GALK2: variants seen among roughly 807,000 people sequenced by gnomAD.
GALK2 encodes the protein N-acetylgalactosamine kinase.
A neutral mutation model predicts 52.4 loss-of-function variants in GALK2; 36 were observed. The observed-to-expected ratio is 0.69, with a 90% CI of 0.53 to 0.91. The LOEUF is 0.91. Among genes scored for constraint, GALK2 ranks in the 40% least tolerant of loss-of-function variants. The pLI, the probability that GALK2 is intolerant of heterozygous loss-of-function variation, is 0.00. For synonymous variants in GALK2, 176 were observed against 199.1 expected, an observed-to-expected ratio of 0.88 and a Z score of 0.98; for missense variants, 579 against 559.1, an observed-to-expected ratio of 1.04 and a Z score of -0.36.
At chr15:49,290,681 A>G (rs1364710397) in intron 7 of GALK2, among the ~76,000 whole-genome samples, 1 of 152,216 alleles carries the variant, frequency 6.6e-6, no homozygotes, top group African/African-American at 2.4e-5. Flanking sequence ...TCTTGGGGGC[A>G]GTTCTGTGAT....
chr15:49,285,137 CTCTT>C (rs1375246258), intron 7 of GALK2, among the ~76,000 whole-genome samples: 3 of 152,256 alleles, frequency 2.0e-5, no homozygotes, highest in South Asian at 2.1e-4. Context: ...GTTGAATTTG[CTCTT>C]TCTTAGGCCA....
chr15:49,224,104 A>C (rs1020803235), intron 3 of GALK2, among the ~76,000 whole-genome samples: 3 of 151,906 alleles, frequency 2.0e-5, no homozygotes, highest in Non-Finnish European at 4.4e-5. Flanking sequence ...GTGAGATGGT[A>C]TCTCATTGTG....
At chr15:49,202,921 G>C (rs1046210299) in intron 2 of GALK2, among the ~76,000 whole-genome samples, 15 of 152,062 alleles carry the variant, frequency 9.9e-5, no homozygotes, top group Non-Finnish European at 1.8e-4. Context: ...ATATCTCCTG[G>C]TGGTTTTGAT....
intron 8 of GALK2, among the ~76,000 whole-genome samples, chr15:49,293,148 C>A (rs2034111457): frequency 2.6e-5 from 4 of 152,044 alleles, no homozygotes; most frequent in Admixed American, 2.6e-4. Flanking sequence ...ATCCAGTTGC[C>A]CTTAGCGGAT....
intron 3 of GALK2, among the ~76,000 whole-genome samples, chr15:49,231,533 C>T (rs1178897903): frequency 6.6e-6 from 1 of 152,226 alleles, no homozygotes; most frequent in African/African-American, 2.4e-5. Context: ...AGAGTCTTAA[C>T]TCATTCCAGC....
intron 6 of GALK2, among the ~76,000 whole-genome samples, chr15:49,282,345 C>T (rs2032821304): frequency 6.6e-6 from 1 of 152,082 alleles, no homozygotes; most frequent in Non-Finnish European, 1.5e-5. Flanking sequence ...GCTTTTTCCC[C>T]TCTTCTATTT....
intron 1 of GALK2, among the ~76,000 whole-genome samples, chr15:49,171,490 TA>T (rs2085092675): frequency 6.6e-6 from 1 of 152,206 alleles, no homozygotes; most frequent in Non-Finnish European, 1.5e-5. Flanking sequence ...CAGTTGATGA[TA>T]TTATACTTTA....
intron 9 of GALK2, chr15:49,327,052 G>C (rs1408586800): frequency 6.6e-6 from 1 of 151,966 alleles, no homozygotes. Flanking sequence ...GTTAACTTTC[G>C]TGTCAGGATA....
intron 5 of GALK2, among the ~76,000 whole-genome samples, chr15:49,272,277 A>C (rs2030795384): frequency 6.6e-6 from 1 of 152,234 alleles, no homozygotes; most frequent in Non-Finnish European, 1.5e-5. Context: ...AAGATGTACA[A>C]AATACCCTGC....
At chr15:49,266,770 G>C (rs1055329279) in intron 5 of GALK2, among the ~76,000 whole-genome samples, 1 of 152,198 alleles carries the variant, frequency 6.6e-6, no homozygotes, top group Non-Finnish European at 1.5e-5. Context: ...TTGGGTGTGT[G>C]TGTGAATCTG....
chr15:49,156,034 A>G (rs2084435480), intron 1 of GALK2: 1 of 1,613,778 alleles, frequency 6.2e-7, no homozygotes, highest in Admixed American at 1.7e-5. Context: ...TTCTGCTATC[A>G]TTGTACGTGT....
At chr15:49,319,518 GA>G (rs1480534495) in intron 8 of GALK2, 85 bp from the exon 9 acceptor site, 2 of 1,073,168 alleles carry the variant, frequency 1.9e-6, no homozygotes, top group Non-Finnish European at 2.7e-6. Context: ...AAACAGAAAT[GA>G]AAGTCTTTAA....
chr15:49,272,800 C>G (rs1483998490), intron 5 of GALK2, among the ~76,000 whole-genome samples: 1 of 152,096 alleles, frequency 6.6e-6, no homozygotes, highest in Non-Finnish European at 1.5e-5. Flanking sequence ...TCCCATGGGC[C>G]TAGGATCCCA....
rs760639050 is a variant in GALK2, at chr15:49,331,739, TAG to T, written c.*3588_*3589del. On this transcript the variant is annotated 3_prime_UTR_variant, in exon 10 of 10. Coordinates refer to ENST00000560031, the MANE Select transcript of GALK2 (RefSeq NM_002044.4). ...ATTGTCCAGTCTATATAAAAGAAGC[TAG>T]AGAGAGAATTCTCAATTATTTTCAG... 4.8e-5 allele frequency: 58 copies of T among 1,219,194 alleles called. No homozygotes were observed. In the African/African-American group the frequency reaches 7.6e-4, roughly 16 times the overall value. 75.5% of individuals were successfully genotyped at this position (1,219,194 alleles called of 1,614,324 possible).
intron 9 of GALK2, among the ~76,000 whole-genome samples, chr15:49,322,173 A>G (rs1383285329): frequency 6.6e-6 from 1 of 152,156 alleles, no homozygotes; most frequent in African/African-American, 2.4e-5. Context: ...GTTTTTGGAA[A>G]ATCCTTTCTT....
downstream of GALK2, among the ~76,000 whole-genome samples, chr15:49,332,347 C>T (rs1406268989): frequency 6.6e-6 from 1 of 152,094 alleles, no homozygotes; most frequent in Non-Finnish European, 1.5e-5. Context: ...AAGGTAGAGA[C>T]ACAGGAAAGA....
intron 3 of GALK2, among the ~76,000 whole-genome samples, chr15:49,359,038 T>A (rs1217335898): frequency 1.3e-5 from 2 of 152,090 alleles, no homozygotes; most frequent in Non-Finnish European, 2.9e-5. Flanking sequence ...TAGCCATATG[T>A]ATAAAGCTGA....
chr15:49,366,394 A>G (rs773129891), intron 3 of GALK2: 3 of 808,018 alleles, frequency 3.7e-6, no homozygotes, highest in Non-Finnish European at 4.5e-6. Context: ...TGTTTTCAAG[A>G]AAATGGCAGC....
rs1241536889 is a variant in GALK2 at position 49,284,059 on chromosome 15, AC to A, written c.756+345del. On this transcript the variant is annotated intron_variant, in intron 7 of 9. Transcript: ENST00000560031. The stretch of plus-strand genomic sequence containing the variant: ...CCTCAACAAAAGTGATGGCAGCCTC[AC>A]CCCTCCTGGTCCTCTAAGATGCAGT... Among the ~76,000 whole-genome samples the A allele has an allele frequency of 2.0e-5, 3 of 152,000 alleles. No individual in the cohort carries two copies. In the South Asian group the frequency reaches 6.2e-4, roughly 32 times the overall value.
Sources: gnomAD v4.1 joint callset for allele counts (sites outside exome capture counted in the v4.1 genomes callset) on GRCh38, gnomAD v4.1.1 for gene constraint, MANE v1.5 for transcripts, NCBI Gene and HGNC (gene_info 2026-07-23, HGNC 2026-07-21) for gene names.